Variants in RNF185 observed in about 807,000 individuals in gnomAD.
RNF185 encodes ring finger protein 185.
A neutral mutation model predicts 24.9 loss-of-function variants in RNF185; 13 were observed. That is an observed-to-expected ratio of 0.52 (90% CI 0.34 to 0.83). The LOEUF is 0.83. RNF185 is among the 40% of genes least tolerant of loss of function. The pLI is 0.01. For synonymous variants in RNF185, 79 were observed against 90.3 expected (o/e 0.88, Z 0.71); for missense variants, 184 against 244.7 (o/e 0.75, Z 1.65).
intron 2 of RNF185, among the ~76,000 whole-genome samples, chr22:31,189,159 G>GTT (rs1568968937): frequency 6.8e-6 from 1 of 147,910 alleles, no homozygotes; most frequent in East Asian, 2.0e-4. Flanking sequence ...GTGTGTGTGT[G>GTT]TGTGTTTGTG....
intron 1 of RNF185, among the ~76,000 whole-genome samples, chr22:31,168,035 A>T (rs1049283692): frequency 6.6e-6 from 1 of 152,228 alleles, no homozygotes; most frequent in Non-Finnish European, 1.5e-5. Flanking sequence ...ATCTACCTCC[A>T]GAACTGTTTT....
intron 4 of RNF185, among the ~76,000 whole-genome samples, chr22:31,196,312 C>G (rs1463692581): frequency 1.3e-5 from 2 of 152,152 alleles, no homozygotes. Flanking sequence ...CAGTTCCCAC[C>G]ACAGTGTCAT....
At chr22:31,201,289 G>A (rs190453355) in intron 5 of RNF185, among the ~76,000 whole-genome samples, 2 of 152,378 alleles carry the variant, frequency 1.3e-5, no homozygotes, top group African/African-American at 4.8e-5. Context: ...TGGAAGCTAA[G>A]GCTAAAAGGG....
chr22:31,187,503 C>A (rs1384176406), intron 2 of RNF185, among the ~76,000 whole-genome samples: 1 of 152,212 alleles, frequency 6.6e-6, no homozygotes, highest in African/African-American at 2.4e-5. Flanking sequence ...ATAATACTTA[C>A]CATTTAGTGA....
intron 1 of RNF185, among the ~76,000 whole-genome samples, chr22:31,181,096 G>A (rs1373916207): frequency 6.6e-6 from 1 of 151,986 alleles, no homozygotes; most frequent in Admixed American, 6.6e-5. Flanking sequence ...GCTAGGCATG[G>A]TGGCTCACTG....
chr22:31,161,373 CTT>C (rs1464091563), intron 1 of RNF185, among the ~76,000 whole-genome samples: 1 of 152,194 alleles, frequency 6.6e-6, no homozygotes, highest in East Asian at 1.9e-4. Flanking sequence ...GCAAATGTGA[CTT>C]TTTTCTTCTC....
intron 1 of RNF185, among the ~76,000 whole-genome samples, chr22:31,163,645 T>TTTTCA: frequency 6.9e-6 from 1 of 144,310 alleles, no homozygotes; most frequent in Non-Finnish European, 1.5e-5. Context: ...GTTTTTTAAC[T>TTTTCA]TTTTATTTTA....
intron 5 of RNF185, among the ~76,000 whole-genome samples, chr22:31,198,053 T>G (rs776593737): frequency 2.6e-5 from 4 of 152,200 alleles, no homozygotes; most frequent in Non-Finnish European, 5.9e-5. Flanking sequence ...AGCAAAATAT[T>G]TACCCACCAT....
Position 31,160,534 on chromosome 22 carries a change from A to G in RNF185, c.-49+231A>G, listed in dbSNP as rs186368654. ...GGCCTTGCGAAAGAGAAGGGCTCCC[A>G]CAAGCTCTCCTTTCGAGGCATGGGC... is the stretch of plus-strand genomic sequence containing the variant. On this transcript the variant is annotated intron_variant, in intron 1 of 6. Coordinates refer to ENST00000326132, the MANE Select transcript of RNF185 (RefSeq NM_152267.4). 9.8e-5 allele frequency among the ~76,000 whole-genome samples: 15 copies of G among 152,344 alleles called. No individual in the cohort carries two copies. The East Asian group carries it at 2.7e-3, about 27-fold the overall frequency.
intron 1 of RNF185, among the ~76,000 whole-genome samples, chr22:31,184,972 T>C (rs1235338106): frequency 7.4e-6 from 1 of 134,292 alleles, no homozygotes; most frequent in East Asian, 1.9e-4. Flanking sequence ...AATTTTTAAT[T>C]TTTTAAGATT....
chr22:31,182,299 A>AT (rs1378070244), intron 1 of RNF185, among the ~76,000 whole-genome samples: 9 of 150,034 alleles, frequency 6.0e-5, no homozygotes, highest in African/African-American at 1.5e-4. Context: ...TTATTTATTT[A>AT]TTTTTTTTGA....
rs892717175 is a variant in RNF185 at position 31,195,464 on chromosome 22, T to G, written c.196-5T>G. On this transcript the variant is annotated splice_region_variant and splice_polypyrimidine_tract_variant and intron_variant, in intron 3 of 6. Coordinates refer to ENST00000326132, the MANE Select transcript of RNF185 (RefSeq NM_152267.4). ...TCCACATGCATTTTTCTCTCCTGTTTGCAGTGGTTGGAGACCAGACCTAAC... is the reference window on the plus strand; with the variant it reads ...TCCACATGCATTTTTCTCTCCTGTTGGCAGTGGTTGGAGACCAGACCTAAC... The G allele has an allele frequency of 1.3e-5, 20 of 1,593,798 alleles. No individual in the cohort carries two copies. Among genetic ancestry groups the G allele is most frequent in the Non-Finnish European group, 1.6e-5 (19 of 1,169,474 alleles).
At chr22:31,176,977 A>T (rs5997898) in intron 1 of RNF185, among the ~76,000 whole-genome samples, 1 of 151,938 alleles carries the variant, frequency 6.6e-6, no homozygotes, top group Non-Finnish European at 1.5e-5. Flanking sequence ...TTGGAAGGTT[A>T]GGCAGATCTG....
rs368967009 is a variant in RNF185, at chr22:31,189,135, A to ATATGTGTGTGTGTGTGTG, written c.176+1866_176+1867insATGTGTGTGTGTGTGTGT. Among the ~76,000 whole-genome samples the ATATGTGTGTGTGTGTGTG allele has an allele frequency of 3.2e-3, 442 of 136,894 alleles. 3 individuals carry two copies. The highest frequency in any genetic ancestry group is 4.4e-3 in the Non-Finnish European group (284 of 64,050). The allele number at this position is 136,894 out of a possible 152,430, so 89.8% of individuals were successfully genotyped here. ...AGCAAGACTCTGTCTCAAAAAAAAAATGTGTGTGTGTGTGTGTGTGTGTGT... is the reference window on the plus strand; with the variant it reads ...AGCAAGACTCTGTCTCAAAAAAAAAATATGTGTGTGTGTGTGTGTGTGTGTGTGTGTGTGTGTGTGTGT... On this transcript the variant is annotated intron_variant, in intron 2 of 6. Transcript: ENST00000326132.
intron 5 of RNF185, among the ~76,000 whole-genome samples, chr22:31,200,906 C>A (rs1434732268): frequency 1.3e-5 from 2 of 152,100 alleles, no homozygotes; most frequent in African/African-American, 2.4e-5. Context: ...TACATATTGT[C>A]ATGTAGTTGT....
chr22:31,168,918 T>A (rs1343343035), intron 1 of RNF185, among the ~76,000 whole-genome samples: 2 of 152,006 alleles, frequency 1.3e-5, no homozygotes, highest in Middle Eastern at 3.4e-3. Context: ...CCTTTAAAAA[T>A]TTTTTTTGAG....
chr22:31,203,912 G>A (rs1446688306), intron 6 of RNF185, among the ~76,000 whole-genome samples: 17 of 151,456 alleles, frequency 1.1e-4, no homozygotes, highest in Admixed American at 8.6e-4. Context: ...GTGGTGGTGC[G>A]TGCCTGTAAT....
At chr22:31,161,820 A>G (rs1272650211) in intron 1 of RNF185, among the ~76,000 whole-genome samples, 1 of 152,074 alleles carries the variant, frequency 6.6e-6, no homozygotes, top group Non-Finnish European at 1.5e-5. Flanking sequence ...TGCATCATAT[A>G]AAAACAGTCC....
chr22:31,174,390 T>A lies in RNF185; in HGVS notation c.-48-12657T>A, dbSNP rs368049577. The stretch of plus-strand genomic sequence containing the variant: ...ACTCTTTAAAAAAAATTTTTTTTTT[T>A]AATTTAAGAAACAGAGTCTCCTTCT... On this transcript the variant is annotated intron_variant, in intron 1 of 6. Coordinates refer to ENST00000326132, the MANE Select transcript of RNF185 (RefSeq NM_152267.4). Among the ~76,000 whole-genome samples, 23 of 145,700 alleles carry A rather than the reference T, an allele frequency of 1.6e-4. No homozygotes were observed. The East Asian group carries it at 1.7e-3, about 11-fold the overall frequency.
Sources: gnomAD v4.1 joint callset for allele counts (sites outside exome capture counted in the v4.1 genomes callset) on GRCh38, gnomAD v4.1.1 for gene constraint, MANE v1.5 for transcripts, NCBI Gene and HGNC (gene_info 2026-07-23, HGNC 2026-07-21) for gene names.